GFRA1: variants seen among roughly 807,000 people sequenced by gnomAD.
GFRA1 encodes the protein GDNF family receptor alpha-1.
GFRA1 carries 16 observed loss-of-function variants against 51.6 expected under a neutral mutation model. That is an observed-to-expected ratio of 0.31 (90% confidence interval 0.21 to 0.47). The LOEUF (loss-of-function observed/expected upper bound fraction) is 0.47, where lower values mean the gene tolerates loss of function less well. Among genes scored for constraint, GFRA1 ranks in the 20% least tolerant of loss-of-function variants. GFRA1 has a pLI of 1.00. For synonymous variants in GFRA1, 270 were observed against 241.3 expected (o/e 1.12, Z -1.10); for missense variants, 530 against 594.3 (o/e 0.89, Z 1.13).
chr10:116,123,729 T>C (rs150726593), intron 6 of GFRA1, among the ~76,000 whole-genome samples: 2 of 152,306 alleles, frequency 1.3e-5, no homozygotes, highest in East Asian at 1.9e-4. Context: ...TTTTTCAATA[T>C]GATACCCCAA....
intron 5 of GFRA1, among the ~76,000 whole-genome samples, chr10:116,189,090 T>G (rs1214832374): frequency 8.9e-6 from 1 of 112,156 alleles, no homozygotes; most frequent in Non-Finnish European, 1.9e-5. Flanking sequence ...CCTTGTCTCT[T>G]AAAAAAAAAA....
At chr10:116,150,836 T>C (rs1220585028) in intron 5 of GFRA1, among the ~76,000 whole-genome samples, 3 of 152,188 alleles carry the variant, frequency 2.0e-5, no homozygotes, top group Admixed American at 6.5e-5. Context: ...ATGAATCTGA[T>C]TTTTTTCTGA....
At chr10:116,211,831 G>T (rs949387188) in intron 4 of GFRA1, among the ~76,000 whole-genome samples, 186 bp from the exon 5 acceptor site, 23 of 152,206 alleles carry the variant, frequency 1.5e-4, no homozygotes, top group African/African-American at 5.3e-4. Flanking sequence ...GAGGCTGCTT[G>T]CATTTCAATC....
chr10:116,225,209 G>A (rs1044589010), intron 4 of GFRA1, among the ~76,000 whole-genome samples: 2 of 152,052 alleles, frequency 1.3e-5, no homozygotes, highest in Non-Finnish European at 2.9e-5. Context: ...AAAATTGCTT[G>A]TTCATAATTT....
intron 6 of GFRA1, among the ~76,000 whole-genome samples, chr10:116,120,795 A>T (rs1156788718): frequency 6.6e-6 from 1 of 152,182 alleles, no homozygotes; most frequent in Non-Finnish European, 1.5e-5. Context: ...GTTGTCACTC[A>T]GCCACCCAAG....
chr10:116,092,092 T>TACGTAC (rs1956365033), intron 8 of GFRA1, among the ~76,000 whole-genome samples: 1 of 63,346 alleles, frequency 1.6e-5, no homozygotes, highest in African/African-American at 4.2e-5. Context: ...TATACATACA[T>TACGTAC]ACGTACACAC....
intron 5 of GFRA1, among the ~76,000 whole-genome samples, chr10:116,154,456 T>C (rs1028442369): frequency 5.3e-5 from 8 of 152,282 alleles, no homozygotes; most frequent in African/African-American, 1.7e-4. Flanking sequence ...AAGAAGCCAG[T>C]CTCAAAAAGT....
intron 5 of GFRA1, among the ~76,000 whole-genome samples, chr10:116,188,794 G>T (rs910812475): frequency 6.6e-6 from 1 of 151,718 alleles, no homozygotes; most frequent in Non-Finnish European, 1.5e-5. Context: ...CCAGCTACAT[G>T]GAGGCTGAGG....
At chr10:116,186,353 A>G (rs1044496929) in intron 5 of GFRA1, among the ~76,000 whole-genome samples, 9 of 152,216 alleles carry the variant, frequency 5.9e-5, no homozygotes, top group Non-Finnish European at 1.0e-4. Flanking sequence ...AAGTGGCAAG[A>G]GAGAAAAGCC....
intron 4 of GFRA1, among the ~76,000 whole-genome samples, chr10:116,248,500 A>C (rs1336887952): frequency 6.6e-6 from 1 of 152,212 alleles, no homozygotes; most frequent in African/African-American, 2.4e-5. Context: ...TTTCACTAGA[A>C]GGTCCCTCAG....
At chr10:116,107,464 G>A (rs1957049131) in intron 6 of GFRA1, among the ~76,000 whole-genome samples, 1 of 152,188 alleles carries the variant, frequency 6.6e-6, no homozygotes, top group Non-Finnish European at 1.5e-5. Flanking sequence ...GGAAAGTCAT[G>A]ATGAATATCA....
intron 5 of GFRA1, among the ~76,000 whole-genome samples, chr10:116,141,382 T>C (rs1336522058): frequency 2.0e-5 from 3 of 152,242 alleles, no homozygotes; most frequent in South Asian, 4.1e-4. Context: ...AGTACCATTA[T>C]AGCAAGCTCC....
intron 4 of GFRA1, among the ~76,000 whole-genome samples, chr10:116,262,620 C>G (rs1036551057): frequency 6.6e-6 from 1 of 152,102 alleles, no homozygotes; most frequent in Non-Finnish European, 1.5e-5. Flanking sequence ...GGTGGTAGGA[C>G]GCTGGGTGAT....
intron 6 of GFRA1, among the ~76,000 whole-genome samples, chr10:116,101,671 T>TA (rs773720201): frequency 1.7e-3 from 256 of 152,260 alleles, no homozygotes; most frequent in Middle Eastern, 6.8e-3. Flanking sequence ...GGAAAACAGG[T>TA]AAAAACATAC....
At position 116,125,235 on chromosome 10, in the gene GFRA1, C is replaced by T; in HGVS notation, c.756G>A (p.Thr252=). 11 of 1,613,684 alleles carry T rather than the reference C, an allele frequency of 6.8e-6. No homozygotes were observed. Among genetic ancestry groups the T allele is most frequent in the East Asian group, 2.2e-5 (1 of 44,840 alleles). Reference sequence around the variant, plus strand: ...TGCCCACTTACCTGCAGATGTAATTCGTCTTGCAGGAGTCCTGCAAATTCA... The same window carrying T: ...TGCCCACTTACCTGCAGATGTAATTTGTCTTGCAGGAGTCCTGCAAATTCA... ...NCLNLQDSCK[T]NYICRSRLAD... is the part of the protein sequence containing the mutation. The change falls in exon 6 of 11, where the codon ACG becomes ACA. Residue 252 remains threonine (T), a synonymous_variant. Transcript: ENST00000355422.
intron 4 of GFRA1, among the ~76,000 whole-genome samples, chr10:116,243,907 G>A (rs1967625886): frequency 6.6e-6 from 1 of 152,130 alleles, no homozygotes; most frequent in African/African-American, 2.4e-5. Context: ...GAAACAAAAA[G>A]AAACATGAAG....
At position 116,093,799 on chromosome 10, in the gene GFRA1, G is replaced by A. The variant is rs767565756; in HGVS notation, c.918C>T (p.Ser306=). ...AGTCACACCATGGGGCCACACTGAG[G>A]CTACTGGAGTCTATGTAGTTGGGGG... ...VMTPNYIDSS[S]LSVAPWCDCS... Residue 306 remains serine (S), a synonymous_variant, in exon 8 of 11, where the codon AGC becomes AGT. Coordinates refer to ENST00000355422, the MANE Select transcript of GFRA1 (RefSeq NM_005264.8). 6.2e-6 allele frequency: 10 copies of A among 1,613,926 alleles called. No individual in the cohort carries two copies. In the Admixed American group the frequency reaches 1.0e-4, roughly 16 times the overall value.
chr10:116,161,380 T>C (rs963063510), intron 5 of GFRA1, among the ~76,000 whole-genome samples: 6 of 152,224 alleles, frequency 3.9e-5, no homozygotes, highest in Admixed American at 6.5e-5. Context: ...GACCACCATG[T>C]TCTGCAAGAA....
rs989446384 is a variant in GFRA1 at position 116,061,277 on chromosome 10, C to G, written c.*3121G>C. ...AAAAAAAAAAGAAATGGAAACCACACTCCTATCACATTCTAGATCGTTTGC... is the reference window on the plus strand; with the variant it reads ...AAAAAAAAAAGAAATGGAAACCACAGTCCTATCACATTCTAGATCGTTTGC... On this transcript the variant is annotated 3_prime_UTR_variant, in exon 11 of 11. Transcript: ENST00000355422. The G allele has an allele frequency of 1.3e-5, 2 of 149,312 alleles. No individual in the cohort carries two copies. Among genetic ancestry groups the G allele is most frequent in the Non-Finnish European group, 3.0e-5 (2 of 67,614 alleles). 9.2% of individuals were successfully genotyped at this position (149,312 alleles called of 1,614,324 possible). A position where few individuals can be genotyped will look rare whatever the true frequency, so the allele number is the denominator to read the frequency against.
Sources: allele counts gnomAD v4.1 joint callset (sites outside exome capture counted in the v4.1 genomes callset), GRCh38; gene constraint gnomAD v4.1.1; transcripts MANE v1.5; gene names NCBI Gene and HGNC (gene_info 2026-07-23, HGNC 2026-07-21).